The following GRIK2 variants were observed in gnomAD, a reference collection of about 807,000 sequenced individuals.
The protein encoded by GRIK2 is glutamate ionotropic receptor kainate type subunit 2.
In GRIK2, 32 loss-of-function variants were observed where a neutral mutation model predicts 100.3. The ratio of observed to expected loss-of-function variants is 0.32; its 90% CI spans 0.24 to 0.43. The LOEUF is 0.43. Ranked by LOEUF, GRIK2 falls within the 20% of genes least tolerant of loss-of-function variation. The pLI, the probability that GRIK2 is intolerant of heterozygous loss-of-function variation, is 1.00. For synonymous variants in GRIK2, 417 were observed against 389.4 expected (o/e 1.07, Z -0.83); for missense variants, 843 against 1,114.9 (o/e 0.76, Z 3.47).
intron 14 of GRIK2, among the ~76,000 whole-genome samples, chr6:101,947,448 G>A (rs763451979): frequency 6.6e-5 from 10 of 152,072 alleles, no homozygotes; most frequent in South Asian, 2.1e-4. Context: ...TTAAAAAATT[G>A]TATGCAGTCT....
rs9485501 is a variant in GRIK2, at chr6:101,479,205, T to C, written c.115+79813T>C. Among the ~76,000 whole-genome samples the C allele has an allele frequency of 7.4e-3, 1,133 of 152,356 alleles. 10 individuals carry two copies. The highest frequency in any genetic ancestry group is 0.026 in the African/African-American group (1,102 of 41,588). On this transcript the variant is annotated intron_variant, in intron 2 of 16. Transcript: ENST00000369134. ...AGTCACTAATCTCATTTCTTTGACG[T>C]AATTTTTCTCTATAACCTTTACTTT... is the stretch of plus-strand genomic sequence containing the variant.
intron 7 of GRIK2, among the ~76,000 whole-genome samples, chr6:101,749,798 A>G (rs866241426): frequency 2.3e-4 from 33 of 140,690 alleles, no homozygotes; most frequent in Middle Eastern, 3.8e-3. Context: ...TGTGTGTGCC[A>G]GTTTCTTTTT....
intron 2 of GRIK2, among the ~76,000 whole-genome samples, chr6:101,598,607 A>G (rs1265717841): frequency 1.4e-5 from 2 of 142,662 alleles, no homozygotes; most frequent in African/African-American, 2.6e-5. Context: ...AAAAAAAAAA[A>G]AAAAGAAAGA....
At chr6:101,444,505 C>T (rs763165191) in intron 2 of GRIK2, among the ~76,000 whole-genome samples, 5 of 151,914 alleles carry the variant, frequency 3.3e-5, no homozygotes, top group Non-Finnish European at 7.4e-5. Context: ...TTTATAATAG[C>T]CTTTGGTGGC....
chr6:101,787,850 G>T (rs1469823641), intron 7 of GRIK2, among the ~76,000 whole-genome samples: 1 of 152,036 alleles, frequency 6.6e-6, no homozygotes, highest in Admixed American at 6.6e-5. Flanking sequence ...TCTGATGTTT[G>T]TTGATTTTCT....
At chr6:101,458,716 A>T (rs555402310) in intron 2 of GRIK2, among the ~76,000 whole-genome samples, 1 of 152,324 alleles carries the variant, frequency 6.6e-6, no homozygotes, top group Admixed American at 6.5e-5. Flanking sequence ...TTCAGCAAGA[A>T]GGGGGTACAT....
chr6:101,506,653 C>T (rs894582060), intron 2 of GRIK2, among the ~76,000 whole-genome samples: 6 of 152,048 alleles, frequency 3.9e-5, no homozygotes, highest in African/African-American at 9.7e-5. Context: ...ATACATCAGT[C>T]GAACTTTGCT....
At chr6:101,733,708 C>CTTTTTTTTTTTTTTTTTTT (rs34438783) in intron 7 of GRIK2, among the ~76,000 whole-genome samples, 11 of 83,936 alleles carry the variant, frequency 1.3e-4, no homozygotes, top group South Asian at 4.0e-4. Flanking sequence ...ATTCCTCTTT[C>CTTTTTTTTTTTTTTTTTTT]TTTTTTTTTT....
intron 7 of GRIK2, among the ~76,000 whole-genome samples, chr6:101,797,067 A>T (rs1780353058): frequency 6.6e-6 from 1 of 152,110 alleles, no homozygotes. Context: ...CTGTTAGATT[A>T]TCTATATGTC....
chr6:101,592,293 T>A (rs1429300156), intron 2 of GRIK2, among the ~76,000 whole-genome samples: 1 of 151,790 alleles, frequency 6.6e-6, no homozygotes, highest in African/African-American at 2.4e-5. Flanking sequence ...CAGGAATTTC[T>A]ATAGGGAAAT....
chr6:101,457,216 A>C (rs180678057), intron 2 of GRIK2, among the ~76,000 whole-genome samples: 1 of 152,278 alleles, frequency 6.6e-6, no homozygotes, highest in East Asian at 1.9e-4. Flanking sequence ...CCCTGTGTAC[A>C]TAATTTTAAT....
chr6:101,470,091 A>C (rs1771865736), intron 2 of GRIK2, among the ~76,000 whole-genome samples: 1 of 152,202 alleles, frequency 6.6e-6, no homozygotes, highest in Admixed American at 6.5e-5. Flanking sequence ...CCTTGACAAA[A>C]GACAACTGGC....
intron 2 of GRIK2, among the ~76,000 whole-genome samples, chr6:101,467,661 T>C (rs935835804): frequency 1.3e-5 from 2 of 152,156 alleles, no homozygotes; most frequent in Admixed American, 6.5e-5. Context: ...TACAGGGAAA[T>C]ATTTTTTACA....
intron 2 of GRIK2, among the ~76,000 whole-genome samples, chr6:101,509,018 C>T (rs1266842229): frequency 6.6e-6 from 1 of 151,856 alleles, no homozygotes; most frequent in African/African-American, 2.4e-5. Context: ...ATAAGCTGGG[C>T]ATGGGGGCGG....
At chr6:101,720,704 G>T (rs1774418584) in intron 7 of GRIK2, among the ~76,000 whole-genome samples, 1 of 151,516 alleles carries the variant, frequency 6.6e-6, no homozygotes, top group Non-Finnish European at 1.5e-5. Context: ...TAGTCTTACA[G>T]TAAAACAAAT....
intron 2 of GRIK2, among the ~76,000 whole-genome samples, chr6:101,425,053 T>A: frequency 6.6e-6 from 1 of 152,030 alleles, no homozygotes; most frequent in East Asian, 1.9e-4. Flanking sequence ...ATTTTCTTCA[T>A]CCAGTCTATC....
intron 11 of GRIK2, among the ~76,000 whole-genome samples, chr6:101,866,832 T>C (rs115476690): frequency 6.6e-6 from 1 of 151,882 alleles, no homozygotes; most frequent in Non-Finnish European, 1.5e-5. Context: ...ATATAGTAAT[T>C]TATTATATTT....
intron 7 of GRIK2, among the ~76,000 whole-genome samples, chr6:101,691,498 A>G (rs1047582229): frequency 1.3e-5 from 2 of 152,070 alleles, no homozygotes; most frequent in Admixed American, 6.6e-5. Flanking sequence ...GGTTTTCACC[A>G]TGTTGGCCAG....
At chr6:101,762,314 A>G (rs1199522360) in intron 7 of GRIK2, among the ~76,000 whole-genome samples, 3 of 152,028 alleles carry the variant, frequency 2.0e-5, no homozygotes, top group African/African-American at 4.8e-5. Flanking sequence ...AGCTGGGACT[A>G]CAGGTGGGCA....
Sources: gnomAD v4.1 joint callset for allele counts (sites outside exome capture counted in the v4.1 genomes callset) on GRCh38, gnomAD v4.1.1 for gene constraint, MANE v1.5 for transcripts, NCBI Gene and HGNC (gene_info 2026-07-23, HGNC 2026-07-21) for gene names.